The following PECAM1 variants were observed in gnomAD, a reference collection of about 807,000 sequenced individuals.
PECAM1 encodes platelet and endothelial cell adhesion molecule 1.
Under a neutral mutation model 13.8 loss-of-function variants are expected in PECAM1, and 8 were observed. The observed-to-expected ratio is 0.58, with a 90% CI of 0.34 to 1.05. The LOEUF (loss-of-function observed/expected upper bound fraction) is 1.05. PECAM1 is among the 50% of genes least tolerant of loss of function. The pLI, the probability that PECAM1 is intolerant of heterozygous loss-of-function variation, is 0.03. For synonymous variants in PECAM1, 136 were observed against 52.6 expected (o/e 2.58, Z -6.86); for missense variants, 304 against 141.2 (o/e 2.15, Z -5.84).
In PECAM1 at chr17:64,369,543, G is replaced by A. The variant is rs1285996733; in HGVS notation, c.967+207C>T. Among the ~76,000 whole-genome samples the A allele has an allele frequency of 3.3e-5, 5 of 152,226 alleles. No homozygotes were observed. The South Asian group carries it at 6.2e-4, about 19-fold the overall frequency. On this transcript the variant is annotated intron_variant, in intron 5 of 15. Coordinates refer to ENST00000563924, the MANE Select transcript of PECAM1 (RefSeq NM_000442.5). ...AGCGGCAGGGTTGAGCTTTGGTGCCGGAGCCTGTACCCTCAACACGCACAG... is the reference window on the plus strand; with the variant it reads ...AGCGGCAGGGTTGAGCTTTGGTGCCAGAGCCTGTACCCTCAACACGCACAG...
chr17:64,353,535 GA>G lies in PECAM1; in HGVS notation c.1889-18del. ...TCTGCTTGGCTTTAAAACAGAAAAC[GA>G]AAAACCAAAGTCAGTATACAGTACC... On this transcript the variant is annotated intron_variant, in intron 9 of 15. Transcript: ENST00000563924. 2.1e-6 allele frequency: 1 copy of G among 468,052 alleles called. No individual in the cohort carries two copies. Among genetic ancestry groups the G allele is most frequent in the South Asian group, 7.6e-5 (1 of 13,118 alleles). 29.0% of individuals were successfully genotyped at this position (468,052 alleles called of 1,614,324 possible).
chr17:64,321,613 T>A lies in PECAM1; in HGVS notation c.*2203A>T. ...TCTCTGCAAAAAAAAAATTAAAAAT[T>A]AGCCAGCTATGGCGGCTCACGCCTC... On this transcript the variant is annotated 3_prime_UTR_variant, in exon 16 of 16. Transcript: ENST00000563924. The A allele has an allele frequency of 2.1e-6, 1 of 473,994 alleles. No individual in the cohort carries two copies. 29.4% of individuals were successfully genotyped at this position (473,994 alleles called of 1,614,324 possible).
chr17:64,338,450 T>C (rs1194641068), intron 14 of PECAM1, among the ~76,000 whole-genome samples: 8 of 151,990 alleles, frequency 5.3e-5, no homozygotes, highest in African/African-American at 1.9e-4. Context: ...GGCCACTTGA[T>C]TGACTTTCTC....
chr17:64,355,500 C>T (rs927480648), intron 8 of PECAM1, among the ~76,000 whole-genome samples: 1 of 152,056 alleles, frequency 6.6e-6, no homozygotes, highest in Admixed American at 6.6e-5. Flanking sequence ...TGCTCTGTTG[C>T]CCAGGCTGGA....
Position 64,369,769 on chromosome 17 carries a change from G to A in PECAM1, c.948C>T (p.Ser316=). ...CCCTACCTGTTATGTTGACCACGAT[G>A]CTGCTGACCTTGGATATGCGGCTGG... The part of the protein sequence containing the change: ...VESSRISKVS[S]IVVNITELFS... The change falls in exon 5 of 16, where the codon AGC becomes AGT. Residue 316 remains serine (S), a synonymous_variant. Transcript: ENST00000563924. 2.5e-6 allele frequency: 1 copy of A among 398,682 alleles called. No individual in the cohort carries two copies. 24.7% of individuals were successfully genotyped at this position (398,682 alleles called of 1,614,324 possible). A position where few individuals can be genotyped will look rare whatever the true frequency, so the allele number is the denominator to read the frequency against.
chr17:64,383,027 T>C (rs1282182238), intron 2 of PECAM1, among the ~76,000 whole-genome samples: 1 of 152,140 alleles, frequency 6.6e-6, no homozygotes, highest in Non-Finnish European at 1.5e-5. Flanking sequence ...GCAACAAAGA[T>C]AGACTCCATC....
rs1223971663 is a variant in PECAM1, at chr17:64,320,492, C to A, written c.*3324G>T. 6.6e-6 allele frequency: 1 copy of A among 152,532 alleles called. No homozygotes were observed. The highest frequency in any genetic ancestry group is 2.4e-5 in the African/African-American group (1 of 41,462). The allele number at this position is 152,532 out of a possible 1,614,324, so 9.4% of individuals were successfully genotyped here. On this transcript the variant is annotated 3_prime_UTR_variant, in exon 16 of 16. Coordinates refer to ENST00000563924, the MANE Select transcript of PECAM1 (RefSeq NM_000442.5). ...CCACCTTTTCCACTGGTACCCTCTG[C>A]CTATGGTCAAGGCTTTGGTGAGACC...
Position 64,321,420 on chromosome 17 carries a change from C to CTCCTCGGAAAT in PECAM1, c.*2385_*2395dup. ...GAAAGATCCCTGCGCATGAAGTTTC[C>CTCCTCGGAAAT]TCCTCGGAAATATAGGCAGAAGGGA... On this transcript the variant is annotated 3_prime_UTR_variant, in exon 16 of 16. Transcript: ENST00000563924. The CTCCTCGGAAAT allele has an allele frequency of 2.0e-6, 2 of 986,318 alleles. No individual in the cohort carries two copies. Among genetic ancestry groups the CTCCTCGGAAAT allele is most frequent in the Non-Finnish European group, 2.4e-6 (2 of 830,368 alleles). The allele number at this position is 986,318 out of a possible 1,614,324, so 61.1% of individuals were successfully genotyped here. A position where few individuals can be genotyped will look rare whatever the true frequency, so the allele number is the denominator to read the frequency against.
rs2035630911 is a variant in PECAM1, at chr17:64,348,247, G to A, written c.2107+13C>T. The A allele has an allele frequency of 1.7e-5, 8 of 475,154 alleles. 1 individual carries two copies. The South Asian group carries it at 3.4e-4, about 20-fold the overall frequency. The allele number at this position is 475,154 out of a possible 1,614,324, so 29.4% of individuals were successfully genotyped here. On this transcript the variant is annotated intron_variant, in intron 13 of 15. Coordinates refer to ENST00000563924, the MANE Select transcript of PECAM1 (RefSeq NM_000442.5). ...AAAGGCAATGCCTGGGGACTCACTC[G>A]AGTGGCACTTACCTTTGTGAGACTC... is the stretch of plus-strand genomic sequence containing the variant.
chr17:64,331,602 A>G (rs1438737098), intron 14 of PECAM1, among the ~76,000 whole-genome samples: 3 of 152,222 alleles, frequency 2.0e-5, no homozygotes, highest in East Asian at 1.9e-4. Flanking sequence ...AGAAAAGCCA[A>G]TGAGAGCAGG....
intron 14 of PECAM1, among the ~76,000 whole-genome samples, chr17:64,331,242 G>T (rs748966984): frequency 6.6e-6 from 1 of 151,150 alleles, no homozygotes; most frequent in Non-Finnish European, 1.5e-5. Context: ...TGTCACCCAG[G>T]CTGGAGTGCA....
chr17:64,380,449 C>T lies in PECAM1; in HGVS notation c.92-2332G>A, dbSNP rs199526453. ...TGTTTTTCCCAAATCCCTACACGTC[C>T]CCCCAGAAATTTCTACCATGCCCAT... On this transcript the variant is annotated intron_variant, in intron 2 of 15. Coordinates refer to ENST00000563924, the MANE Select transcript of PECAM1 (RefSeq NM_000442.5). Among the ~76,000 whole-genome samples the T allele has an allele frequency of 4.0e-4, 61 of 152,208 alleles. No homozygotes were observed. In the East Asian group the frequency reaches 5.0e-3, roughly 13 times the overall value.
intron 13 of PECAM1, among the ~76,000 whole-genome samples, chr17:64,342,282 G>A (rs1265058368): frequency 1.3e-5 from 2 of 152,158 alleles, no homozygotes; most frequent in Non-Finnish European, 1.5e-5. Flanking sequence ...GAGGGGCCAC[G>A]GATGGAGAGG....
Position 64,323,099 on chromosome 17 carries a change from G to A in PECAM1, c.*717C>T. On this transcript the variant is annotated 3_prime_UTR_variant, in exon 16 of 16. Coordinates refer to ENST00000563924, the MANE Select transcript of PECAM1 (RefSeq NM_000442.5). ...TATTTGCTGATGGCACCATCTTCCT[G>A]TCTTTCAGCCTTCAGCATGGTAGAG... 5.1e-6 allele frequency: 5 copies of A among 984,140 alleles called. No homozygotes were observed. The highest frequency in any genetic ancestry group is 6.0e-6 in the Non-Finnish European group (5 of 828,742). The allele number at this position is 984,140 out of a possible 1,614,324, so 61.0% of individuals were successfully genotyped here.
At chr17:64,365,131 A>C (rs1456806916) in intron 5 of PECAM1, among the ~76,000 whole-genome samples, 1 of 150,178 alleles carries the variant, frequency 6.7e-6, no homozygotes, top group Admixed American at 6.6e-5. Flanking sequence ...AAGTCTCAGG[A>C]TACAAAATCA....
chr17:64,352,311 A>G lies in PECAM1; in HGVS notation c.1990+79T>C, dbSNP rs2035743809. 4 of 443,834 alleles carry G rather than the reference A, an allele frequency of 9.0e-6. No individual in the cohort carries two copies. In the South Asian group the frequency reaches 3.8e-4, roughly 42 times the overall value. The allele number at this position is 443,834 out of a possible 1,614,324, so 27.5% of individuals were successfully genotyped here. On this transcript the variant is annotated intron_variant, in intron 11 of 15. Coordinates refer to ENST00000563924, the MANE Select transcript of PECAM1 (RefSeq NM_000442.5). ...TTCCAACTGTAATCCCACCACTTAC[A>G]TATTCTGCTTCTGAGAGGGCTAAGG...
intron 4 of PECAM1, among the ~76,000 whole-genome samples, chr17:64,373,355 T>G (rs2036284749): frequency 6.6e-6 from 1 of 151,900 alleles, no homozygotes; most frequent in Non-Finnish European, 1.5e-5. Flanking sequence ...GCCCAGGAGT[T>G]TGAGGGTTGC....
chr17:64,332,397 A>G (rs1187629327), intron 14 of PECAM1, among the ~76,000 whole-genome samples: 1 of 152,154 alleles, frequency 6.6e-6, no homozygotes, highest in Non-Finnish European at 1.5e-5. Flanking sequence ...TCAAGTAGGC[A>G]TTTTCTAAAG....
chr17:64,378,449 C>T (rs1415650839), intron 2 of PECAM1, among the ~76,000 whole-genome samples: 1 of 152,128 alleles, frequency 6.6e-6, no homozygotes, highest in Non-Finnish European at 1.5e-5. Context: ...AGAGACTGGC[C>T]TGGCCAACAT....
Sources: gnomAD v4.1 joint callset for allele counts (sites outside exome capture counted in the v4.1 genomes callset) on GRCh38, gnomAD v4.1.1 for gene constraint, MANE v1.5 for transcripts, NCBI Gene and HGNC (gene_info 2026-07-23, HGNC 2026-07-21) for gene names.